ROBO1: variants seen among roughly 807,000 people sequenced by gnomAD.
ROBO1 encodes the protein roundabout guidance receptor 1.
Under a neutral mutation model 195.9 loss-of-function variants are expected in ROBO1, and 149 were observed. The observed-to-expected ratio is 0.76, with a 90% CI of 0.67 to 0.87. The LOEUF (loss-of-function observed/expected upper bound fraction) is 0.87, where lower values mean the gene tolerates loss of function less well. Among genes scored for constraint, ROBO1 ranks in the 40% least tolerant of loss-of-function variants. The pLI, the probability that ROBO1 is intolerant of heterozygous loss-of-function variation, is 0.00. For missense variants in ROBO1, 1,933 were observed against 2,068.3 expected (o/e 0.93, Z 1.27); for synonymous variants, 816 against 733.2 (o/e 1.11, Z -1.82).
intron 2 of ROBO1, among the ~76,000 whole-genome samples, chr3:79,277,629 T>C (rs949465262): frequency 2.9e-4 from 44 of 152,192 alleles, no homozygotes; most frequent in African/African-American, 9.9e-4. Context: ...TATAATTGGA[T>C]TGTTTATAAC....
intron 4 of ROBO1, among the ~76,000 whole-genome samples, chr3:78,827,498 A>G (rs1189235951): frequency 2.0e-5 from 3 of 152,188 alleles, no homozygotes; most frequent in Non-Finnish European, 4.4e-5. Context: ...ATATTCCACA[A>G]TCTTTATTTG....
intron 2 of ROBO1, among the ~76,000 whole-genome samples, chr3:79,265,370 C>G (rs1207238348): frequency 6.6e-6 from 1 of 150,880 alleles, no homozygotes; most frequent in Non-Finnish European, 1.5e-5. Flanking sequence ...TAAATTCTAT[C>G]CCCATTCATG....
At chr3:79,110,534 T>C (rs2079866176) in intron 3 of ROBO1, among the ~76,000 whole-genome samples, 1 of 151,884 alleles carries the variant, frequency 6.6e-6, no homozygotes, top group East Asian at 1.9e-4. Context: ...CAGCAGATGC[T>C]AGTTGTTGGC....
intron 3 of ROBO1, among the ~76,000 whole-genome samples, chr3:78,945,233 C>T (rs956550005): frequency 1.3e-5 from 2 of 152,180 alleles, no homozygotes; most frequent in African/African-American, 4.8e-5. Context: ...CAAGTGGGTC[C>T]CTGACCCCCG....
chr3:79,059,975 A>C (rs1271985698), intron 3 of ROBO1, among the ~76,000 whole-genome samples: 1 of 152,026 alleles, frequency 6.6e-6, no homozygotes, highest in African/African-American at 2.4e-5. Context: ...CTCTTCTTGC[A>C]AAAGTGAATA....
At chr3:78,997,625 G>A (rs1036423459) in intron 3 of ROBO1, among the ~76,000 whole-genome samples, 1 of 152,122 alleles carries the variant, frequency 6.6e-6, no homozygotes, top group Non-Finnish European at 1.5e-5. Flanking sequence ...GCAAACAAAT[G>A]TAAAATACAA....
intron 4 of ROBO1, among the ~76,000 whole-genome samples, chr3:78,856,779 T>C (rs1230559967): frequency 6.6e-6 from 1 of 151,466 alleles, no homozygotes; most frequent in East Asian, 1.9e-4. Flanking sequence ...CAATGTTTTA[T>C]ATATTTTATA....
rs975301813 is a variant in ROBO1, at chr3:78,597,778, A to T, written c.*1135T>A. ...CCATTTGGTTCATGGCCCACAATAAAGTATGCATGTTACTTCACCATCTGT... is the reference window on the plus strand; with the variant it reads ...CCATTTGGTTCATGGCCCACAATAATGTATGCATGTTACTTCACCATCTGT... On this transcript the variant is annotated 3_prime_UTR_variant, in exon 31 of 31. Transcript: ENST00000464233. 1 of 152,556 alleles carries T rather than the reference A, an allele frequency of 6.6e-6. No homozygotes were observed. The highest frequency in any genetic ancestry group is 6.5e-5 in the Admixed American group (1 of 15,274). The allele number at this position is 152,556 out of a possible 1,614,324, so 9.5% of individuals were successfully genotyped here.
At position 79,418,634 on chromosome 3, in the gene ROBO1, T is replaced by C. The variant is rs62257564; in HGVS notation, c.88+171190A>G. 4.5e-3 allele frequency among the ~76,000 whole-genome samples: 687 copies of C among 152,180 alleles called. 3 individuals carry two copies. Among genetic ancestry groups the C allele is most frequent in the Non-Finnish European group, 7.0e-3 (474 of 67,984 alleles). ...TTTATTTAAATTGGGCACCACGGTG[T>C]AAAACAGGCTACTAGCAGGCACAAA... is the stretch of plus-strand genomic sequence containing the variant. On this transcript the variant is annotated intron_variant, in intron 2 of 30. Transcript: ENST00000464233.
chr3:79,058,439 C>T (rs2078853733), intron 3 of ROBO1, among the ~76,000 whole-genome samples: 1 of 152,044 alleles, frequency 6.6e-6, no homozygotes, highest in African/African-American at 2.4e-5. Flanking sequence ...GAGCCCAGAA[C>T]ACCCAGAACT....
At chr3:79,535,728 G>A (rs1055417259) in intron 2 of ROBO1, among the ~76,000 whole-genome samples, 1 of 151,946 alleles carries the variant, frequency 6.6e-6, no homozygotes, top group African/African-American at 2.4e-5. Context: ...TTTCTTACAT[G>A]AATGTTGACA....
chr3:79,571,627 G>A (rs1345709270), intron 2 of ROBO1, among the ~76,000 whole-genome samples: 3 of 150,704 alleles, frequency 2.0e-5, no homozygotes, highest in Non-Finnish European at 3.0e-5. Flanking sequence ...CAAAAAGAAT[G>A]GCATTTAGTT....
chr3:79,494,265 A>G (rs781228201), intron 2 of ROBO1, among the ~76,000 whole-genome samples: 2 of 152,182 alleles, frequency 1.3e-5, no homozygotes, highest in Non-Finnish European at 2.9e-5. Flanking sequence ...TCAGCATGAG[A>G]CTTATAGAAG....
chr3:78,931,525 C>A (rs1576420078), intron 4 of ROBO1, among the ~76,000 whole-genome samples: 1 of 152,074 alleles, frequency 6.6e-6, no homozygotes, highest in South Asian at 2.1e-4. Context: ...GGATTACAGG[C>A]ATGAGCCACC....
chr3:79,412,368 A>G (rs1019923044), intron 2 of ROBO1, among the ~76,000 whole-genome samples: 1 of 152,122 alleles, frequency 6.6e-6, no homozygotes, highest in African/African-American at 2.4e-5. Context: ...GTTTGTCAAC[A>G]TTTCTCATAA....
chr3:78,961,701 A>C (rs758782295), intron 3 of ROBO1, among the ~76,000 whole-genome samples: 1 of 152,230 alleles, frequency 6.6e-6, no homozygotes, highest in Non-Finnish European at 1.5e-5. Flanking sequence ...TCTGTTCCAG[A>C]ATGTGGGCAG....
chr3:79,345,492 T>A (rs77598556), intron 2 of ROBO1, among the ~76,000 whole-genome samples: 2 of 152,094 alleles, frequency 1.3e-5, no homozygotes, highest in Non-Finnish European at 2.9e-5. Context: ...GATTCCAGAC[T>A]GTTTTGCTCT....
intron 2 of ROBO1, among the ~76,000 whole-genome samples, chr3:79,416,698 T>C (rs2038019892): frequency 6.6e-6 from 1 of 152,024 alleles, no homozygotes; most frequent in Non-Finnish European, 1.5e-5. Context: ...TTGGAAAAGA[T>C]GCAACCATAG....
At chr3:79,530,464 T>G (rs1941603271) in intron 2 of ROBO1, among the ~76,000 whole-genome samples, 1 of 152,196 alleles carries the variant, frequency 6.6e-6, no homozygotes, top group South Asian at 2.1e-4. Context: ...AAATGTACAT[T>G]GAGAGAAAGG....
Sources: allele counts gnomAD v4.1 joint callset (sites outside exome capture counted in the v4.1 genomes callset), GRCh38; gene constraint gnomAD v4.1.1; transcripts MANE v1.5; gene names NCBI Gene and HGNC (gene_info 2026-07-23, HGNC 2026-07-21).